The following APP variants were observed in gnomAD, a reference collection of about 807,000 sequenced individuals.
APP encodes the protein amyloid-beta precursor protein.
In APP, 31 loss-of-function variants were observed where a neutral mutation model predicts 101.4. The ratio of observed to expected loss-of-function variants is 0.31; its 90% CI spans 0.23 to 0.41. The LOEUF (loss-of-function observed/expected upper bound fraction) is 0.41. Ranked by LOEUF, APP falls within the 10% of genes least tolerant of loss-of-function variation. The pLI is 1.00. For synonymous variants in APP, 366 were observed against 364.4 expected (o/e 1.00, Z -0.05); for missense variants, 839 against 1,003.7 (o/e 0.84, Z 2.22).
intron 17 of APP, among the ~76,000 whole-genome samples, chr21:25,887,630 A>G (rs185198106): frequency 1.3e-3 from 202 of 152,140 alleles, no homozygotes; most frequent in Middle Eastern, 3.5e-3. Flanking sequence ...TTAGTCCACG[A>G]CAGACCAAAC....
chr21:25,999,880 A>C, intron 7 of APP, 135 bp downstream of exon 7: 2 of 999,278 alleles, frequency 2.0e-6, no homozygotes, highest in South Asian at 2.8e-5. Context: ...GAGCAATTAG[A>C]GAAGTGGACA....
intron 3 of APP, among the ~76,000 whole-genome samples, chr21:26,061,400 AC>A (rs2046259335): frequency 1.3e-5 from 2 of 152,310 alleles, no homozygotes; most frequent in South Asian, 4.1e-4. Context: ...TTTTTATTTT[AC>A]CATTTCAGAC....
intron 5 of APP, among the ~76,000 whole-genome samples, chr21:26,039,146 T>C (rs2045261296): frequency 6.6e-6 from 1 of 152,240 alleles, no homozygotes; most frequent in Admixed American, 6.5e-5. Context: ...GTAAGTGCAA[T>C]ACTGCCCTTT....
chr21:26,093,996 G>T (rs2061885907), intron 2 of APP, among the ~76,000 whole-genome samples: 1 of 151,810 alleles, frequency 6.6e-6, no homozygotes, highest in African/African-American at 2.4e-5. Flanking sequence ...CGCCTGTTAA[G>T]TCCCAGCTAC....
chr21:25,983,232 C>G (rs534692298), intron 8 of APP, among the ~76,000 whole-genome samples: 1 of 152,180 alleles, frequency 6.6e-6, no homozygotes, highest in South Asian at 2.1e-4. Context: ...CCTATACAAG[C>G]AATTTTCCAA....
At chr21:25,980,672 C>A (rs1002633709) in intron 9 of APP, among the ~76,000 whole-genome samples, 1 of 141,830 alleles carries the variant, frequency 7.1e-6, no homozygotes, top group African/African-American at 2.7e-5. Flanking sequence ...AACAAACAAA[C>A]AAAAAACAAA....
intron 1 of APP, among the ~76,000 whole-genome samples, chr21:26,166,184 T>C (rs2063603331): frequency 6.6e-6 from 1 of 152,228 alleles, no homozygotes; most frequent in South Asian, 2.1e-4. Flanking sequence ...AAAATCAGCT[T>C]CAGGGTTTGA....
At chr21:25,945,848 C>G (rs2040793478) in intron 13 of APP, 3 of 453,472 alleles carry the variant, frequency 6.6e-6, no homozygotes, top group Non-Finnish European at 1.3e-5. Flanking sequence ...GTTATCATGC[C>G]TGGATAATTT....
chr21:26,107,477 T>C (rs537063503), intron 2 of APP, among the ~76,000 whole-genome samples: 14 of 152,250 alleles, frequency 9.2e-5, no homozygotes, highest in Non-Finnish European at 1.6e-4. Flanking sequence ...TGCTTTCCGT[T>C]TGCATCATGC....
intron 15 of APP, among the ~76,000 whole-genome samples, chr21:25,900,429 G>A (rs918514125): frequency 2.0e-5 from 3 of 150,342 alleles, no homozygotes; most frequent in Non-Finnish European, 3.0e-5. Context: ...TGTGGTGGCG[G>A]GTGCCTGTAA....
At chr21:26,106,749 A>G (rs2062191335) in intron 2 of APP, among the ~76,000 whole-genome samples, 1 of 152,190 alleles carries the variant, frequency 6.6e-6, no homozygotes, top group Non-Finnish European at 1.5e-5. Flanking sequence ...CCATTTAAAA[A>G]TCAAAATCAC....
chr21:26,048,987 T>C (rs572064789), intron 5 of APP, among the ~76,000 whole-genome samples: 15 of 152,202 alleles, frequency 9.9e-5, no homozygotes, highest in South Asian at 2.1e-4. Context: ...CATACATGTA[T>C]AAGGCTGAAA....
At chr21:26,059,971 AG>A (rs2046208342) in intron 3 of APP, among the ~76,000 whole-genome samples, 1 of 150,836 alleles carries the variant, frequency 6.6e-6, no homozygotes, top group Non-Finnish European at 1.5e-5. Context: ...TCACATAGAG[AG>A]TAAATGGCAG....
chr21:25,991,162 TGAG>T (rs1032885247), intron 8 of APP, among the ~76,000 whole-genome samples: 2 of 152,040 alleles, frequency 1.3e-5, no homozygotes, highest in Non-Finnish European at 2.9e-5. Context: ...AGACTCAGAA[TGAG>T]GAAGAGTGGG....
At chr21:25,944,096 A>G (rs1162355066) in intron 13 of APP, among the ~76,000 whole-genome samples, 1 of 152,110 alleles carries the variant, frequency 6.6e-6, no homozygotes, top group Non-Finnish European at 1.5e-5. Context: ...AGTTGTTGCC[A>G]AGCACTGTTT....
chr21:25,988,721 AAAG>A (rs1177264953), intron 8 of APP, among the ~76,000 whole-genome samples: 6 of 146,914 alleles, frequency 4.1e-5, no homozygotes, highest in Non-Finnish European at 3.0e-5. Flanking sequence ...AAAAAAAAAA[AAAG>A]GAGACAAAGA....
chr21:25,983,150 C>G (rs2042503709), intron 8 of APP, among the ~76,000 whole-genome samples: 1 of 152,196 alleles, frequency 6.6e-6, no homozygotes, highest in Non-Finnish European at 1.5e-5. Context: ...TCAACTAATA[C>G]TGCTAAGCAA....
intron 3 of APP, among the ~76,000 whole-genome samples, chr21:26,074,596 C>A (rs2061468467): frequency 6.6e-6 from 1 of 152,088 alleles, no homozygotes; most frequent in Non-Finnish European, 1.5e-5. Flanking sequence ...ACTAAAAATA[C>A]AAAAATTAGC....
At chr21:26,009,595 C>CT (rs36052312) in intron 6 of APP, 89,041 of 142,278 alleles carry the variant, frequency 0.63, 29,378 homozygotes, top group Non-Finnish European at 0.75. Context: ...CTTTTCTTTT[C>CT]TTTTTTTTTT....
Sources: allele counts gnomAD v4.1 joint callset (sites outside exome capture counted in the v4.1 genomes callset), GRCh38; gene constraint gnomAD v4.1.1; transcripts MANE v1.5; gene names NCBI Gene and HGNC (gene_info 2026-07-23, HGNC 2026-07-21).